Variants in CHD7 observed in about 807,000 individuals in gnomAD.
The protein encoded by CHD7 is chromodomain helicase DNA binding protein 7, also known as ATP-dependent chromatin remodeler CHD7.
In CHD7, 24 loss-of-function variants were observed where a neutral mutation model predicts 307.3. The ratio of observed to expected loss-of-function variants is 0.08; its 90% CI spans 0.06 to 0.11. The LOEUF (loss-of-function observed/expected upper bound fraction) is 0.11, where lower values mean the gene tolerates loss of function less well. Ranked by LOEUF, CHD7 falls within the 10% of genes least tolerant of loss-of-function variation. The pLI is 1.00. For synonymous variants in CHD7, 1,363 were observed against 1,349.9 expected (o/e 1.01, Z -0.21); for missense variants, 3,106 against 3,727.1 (o/e 0.83, Z 4.34).
At chr8:60,708,805 T>C (rs1321041822) in intron 1 of CHD7, among the ~76,000 whole-genome samples, 4 of 152,228 alleles carry the variant, frequency 2.6e-5, no homozygotes, top group African/African-American at 9.6e-5. Flanking sequence ...TTCTGACTCT[T>C]TTCAACCGAA....
intron 1 of CHD7, among the ~76,000 whole-genome samples, chr8:60,697,864 T>G (rs963588654): frequency 6.6e-6 from 1 of 152,260 alleles, no homozygotes; most frequent in Non-Finnish European, 1.5e-5. Flanking sequence ...TTGCTCCTTA[T>G]GTTGTGCACA....
At chr8:60,752,876 T>C (rs1809704886) in intron 2 of CHD7, among the ~76,000 whole-genome samples, 1 of 152,218 alleles carries the variant, frequency 6.6e-6, no homozygotes, top group South Asian at 2.1e-4. Context: ...ACTTGGAGAA[T>C]TTACCTTGAT....
At chr8:60,741,225 T>TCCTTCTTCTCCCCCA in intron 1 of CHD7, 34 bp from the exon 2 acceptor site, 1 of 565,256 alleles carries the variant, frequency 1.8e-6, no homozygotes, top group Admixed American at 3.2e-5. Context: ...TTTGTTTTCT[T>TCCTTCTTCTCCCCCA]CCTTCTTCTC....
At chr8:60,722,195 G>A (rs1393602070) in intron 1 of CHD7, among the ~76,000 whole-genome samples, 1 of 152,158 alleles carries the variant, frequency 6.6e-6, no homozygotes, top group South Asian at 2.1e-4. Flanking sequence ...GTTTAGCTAA[G>A]AAGCCTTTAT....
chr8:60,841,545 G>T, intron 19 of CHD7, 99 bp from the exon 20 acceptor site: 3 of 866,914 alleles, frequency 3.5e-6, no homozygotes, highest in Non-Finnish European at 3.8e-6. Context: ...ATAAGTGGAG[G>T]AATGCACAAT....
At position 60,862,192 on chromosome 8, in the gene CHD7, G is replaced by T. The variant is rs1261910991; in HGVS notation, c.7831-4G>T. 5 of 1,601,384 alleles carry T rather than the reference G, an allele frequency of 3.1e-6. No individual in the cohort carries two copies. Among genetic ancestry groups the T allele is most frequent in the Non-Finnish European group, 4.3e-6 (5 of 1,173,998 alleles). On this transcript the variant is annotated splice_region_variant and splice_polypyrimidine_tract_variant and intron_variant, in intron 35 of 37. Transcript: ENST00000423902. ...TTTTACTAAATATGTTTTTTCTTTT[G>T]CAGAAGAATGCAGATGTGCTGTTTT...
intron 33 of CHD7, 103 bp downstream of exon 33, chr8:60,856,305 G>C (rs1805705401): frequency 1.6e-6 from 2 of 1,243,186 alleles, no homozygotes; most frequent in Non-Finnish European, 2.2e-6. Context: ...AAATAAGATA[G>C]CTGCTGTTTC....
chr8:60,800,583 A>G (rs746190908), intron 5 of CHD7, 58 bp downstream of exon 5: 146 of 1,522,308 alleles, frequency 9.6e-5, no homozygotes, highest in Non-Finnish European at 1.3e-4. Context: ...TAGAAATTTC[A>G]TTGCTGCAAT....
At position 60,861,043 on chromosome 8, in the gene CHD7, A is replaced by C; in HGVS notation, c.7748A>C (p.Glu2583Ala). The change falls in exon 35 of 38, where the codon GAA becomes GCA. Residue 2583 changes from glutamate (E) to alanine (A), a missense_variant. Glu to Ala is a moderately radical substitution (Grantham distance 107, BLOSUM62 -1). Coordinates refer to ENST00000423902, the MANE Select transcript of CHD7 (RefSeq NM_017780.4). ...NLEDGTRLVG[E>A]DAPKNKDLVE... The stretch of plus-strand genomic sequence containing the variant: ...GAAGATGGGACTAGGCTGGTGGGGG[A>C]AGATGCTCCTAAAAATAAGGATTTA... 1 of 1,613,938 alleles carries C rather than the reference A, an allele frequency of 6.2e-7. No individual in the cohort carries two copies. The highest frequency in any genetic ancestry group is 8.5e-7 in the Non-Finnish European group (1 of 1,179,874).
At position 60,856,658 on chromosome 8, in the gene CHD7, T is replaced by C; in HGVS notation, c.7378T>C (p.Ser2460Pro). 1.2e-6 allele frequency: 2 copies of C among 1,614,038 alleles called. No homozygotes were observed. Among genetic ancestry groups the C allele is most frequent in the East Asian group, 4.5e-5 (2 of 44,882 alleles). The change falls in exon 34 of 38, where the codon TCT (serine) becomes CCT (proline). Residue 2460 changes from serine to proline, a missense_variant. Ser to Pro is a moderately conservative substitution (Grantham distance 74, BLOSUM62 -1). Around this residue, in one of 10 missense-constraint regions of CHD7, gnomAD observed 1,030 missense variants for 1,165.4 expected, o/e 0.88. Transcript: ENST00000423902. ...EATSSTSNFS[S>P]LSSKFILPNV... ...AACAAGCTCTACCTCAAATTTTTCA[T>C]CTCTTTCTTCAAAGTTTATCTTGCC...
intron 37 of CHD7, 63 bp downstream of exon 37, chr8:60,862,715 T>C: frequency 8.8e-7 from 1 of 1,134,908 alleles, no homozygotes; most frequent in Non-Finnish European, 1.3e-6. Context: ...CCTTAGTCTT[T>C]CTTATTTTCT....
At chr8:60,746,438 A>G (rs1431084602) in intron 2 of CHD7, among the ~76,000 whole-genome samples, 2 of 152,192 alleles carry the variant, frequency 1.3e-5, no homozygotes, top group Non-Finnish European at 2.9e-5. Context: ...CTACCCTAGG[A>G]AATATTTTTA....
intron 1 of CHD7, among the ~76,000 whole-genome samples, chr8:60,691,387 C>T (rs763798874): frequency 1.2e-3 from 182 of 152,208 alleles, no homozygotes; most frequent in Non-Finnish European, 2.2e-3. Context: ...GTAAGAAAAA[C>T]GAGTCTTTTT....
At chr8:60,815,917 G>C (rs1014526644) in intron 7 of CHD7, among the ~76,000 whole-genome samples, 1 of 152,142 alleles carries the variant, frequency 6.6e-6, no homozygotes, top group Non-Finnish European at 1.5e-5. Context: ...CAAAGAAACT[G>C]CTATTTTAAA....
rs1804988821 is a variant in CHD7, at chr8:60,841,835, T to G, written c.4645-12T>G. ...TGAGAAATGTCAAATGTATCTCCTC[T>G]TTTATTATTAGAACAACCTGGTTAT... On this transcript the variant is annotated splice_polypyrimidine_tract_variant and intron_variant, in intron 20 of 37. Coordinates refer to ENST00000423902, the MANE Select transcript of CHD7 (RefSeq NM_017780.4). The G allele has an allele frequency of 7.5e-6, 12 of 1,608,556 alleles. No homozygotes were observed. Among genetic ancestry groups the G allele is most frequent in the Non-Finnish European group, 8.5e-6 (10 of 1,176,838 alleles).
chr8:60,802,932 A>C (rs1812379953), intron 6 of CHD7, among the ~76,000 whole-genome samples: 1 of 152,224 alleles, frequency 6.6e-6, no homozygotes, highest in Non-Finnish European at 1.5e-5. Flanking sequence ...TTATAAGAAA[A>C]TAATTTAGAG....
At chr8:60,726,800 G>A (rs1808183373) in intron 1 of CHD7, among the ~76,000 whole-genome samples, 1 of 152,146 alleles carries the variant, frequency 6.6e-6, no homozygotes, top group African/African-American at 2.4e-5. Context: ...GCCAGTTGTA[G>A]CCATCAGAGT....
rs867185114 is a variant in CHD7, at chr8:60,816,131, C to G, written c.2499-256C>G. On this transcript the variant is annotated intron_variant, in intron 7 of 37. Coordinates refer to ENST00000423902, the MANE Select transcript of CHD7 (RefSeq NM_017780.4). ...TCTGTCTGTCTCTCTCTCTCTCTCT[C>G]TCTCTCTCTCTCTCTCTCTCTCTGT... Among the ~76,000 whole-genome samples, 2,728 of 150,800 alleles carry G rather than the reference C, an allele frequency of 0.018. 83 individuals are homozygous for G. Among genetic ancestry groups the G allele is most frequent in the African/African-American group, 0.061 (2,505 of 41,224 alleles).
rs370560155 is a variant in CHD7 at position 60,836,779 on chromosome 8, A to T, written c.3990-38A>T. On this transcript the variant is annotated intron_variant, in intron 16 of 37. Coordinates refer to ENST00000423902, the MANE Select transcript of CHD7 (RefSeq NM_017780.4). ...AAAAAGGAGCAAGTATGTTGTCGCT[A>T]TGCGTCAGGCCTCCTTGTTCACACT... is the stretch of plus-strand genomic sequence containing the variant. 9.4e-6 allele frequency: 14 copies of T among 1,492,702 alleles called. No individual in the cohort carries two copies. The African/African-American group carries it at 2.0e-4, about 21-fold the overall frequency. 92.5% of individuals were successfully genotyped at this position (1,492,702 alleles called of 1,614,324 possible). A position where few individuals can be genotyped will look rare whatever the true frequency, so the allele number is the denominator to read the frequency against.
Sources: gnomAD v4.1 joint callset for allele counts (sites outside exome capture counted in the v4.1 genomes callset) on GRCh38, gnomAD v4.1.1 for gene constraint, gnomAD v4.1.1 regional missense constraint, MANE v1.5 for transcripts, NCBI Gene and HGNC (gene_info 2026-07-23, HGNC 2026-07-21) for gene names.